ANKRD55: variants seen among roughly 807,000 people sequenced by gnomAD.
ANKRD55 encodes the protein ankyrin repeat domain-containing protein 55.
A neutral mutation model predicts 60.6 loss-of-function variants in ANKRD55; 41 were observed. The ratio of observed to expected loss-of-function variants is 0.68; its 90% CI spans 0.53 to 0.88. ANKRD55 has a LOEUF of 0.88. Ranked by LOEUF, ANKRD55 falls within the 40% of genes least tolerant of loss-of-function variation. ANKRD55 has a pLI of 0.00. For synonymous variants in ANKRD55, 264 were observed against 290.3 expected, an observed-to-expected ratio of 0.91 and a Z score of 0.92; for missense variants, 732 against 767.6, an observed-to-expected ratio of 0.95 and a Z score of 0.55.
At chr5:56,183,437 A>G (rs1758893988) in intron 3 of ANKRD55, 75 bp downstream of exon 3, 10 of 1,572,746 alleles carry the variant, frequency 6.4e-6, no homozygotes, top group Non-Finnish European at 8.7e-6. Flanking sequence ...ATTTATTAAC[A>G]TTGCTCATGT....
At chr5:56,116,447 C>G (rs1447857723) in intron 9 of ANKRD55, among the ~76,000 whole-genome samples, 168 bp downstream of exon 9, 3 of 152,076 alleles carry the variant, frequency 2.0e-5, no homozygotes, top group Non-Finnish European at 2.9e-5. Context: ...TAATGGCAAA[C>G]GTTAATTATA....
intron 7 of ANKRD55, among the ~76,000 whole-genome samples, chr5:56,139,687 G>C (rs1246915789): frequency 1.3e-5 from 2 of 152,178 alleles, no homozygotes; most frequent in African/African-American, 4.8e-5. Flanking sequence ...CAGGGGTGGG[G>C]AACCAAGGAC....
chr5:56,100,180 C>G lies in ANKRD55; in HGVS notation c.*3G>C, dbSNP rs376847662. Reference sequence around the variant, plus strand: ...CTACATTTCTGCAGCGAGTGGCCCACAGTTAATTTTCATCACTGGTGGGGT... The same window carrying G: ...CTACATTTCTGCAGCGAGTGGCCCAGAGTTAATTTTCATCACTGGTGGGGT... On this transcript the variant is annotated 3_prime_UTR_variant, in exon 12 of 12. Transcript: ENST00000341048. 1 of 1,614,020 alleles carries G rather than the reference C, an allele frequency of 6.2e-7. No homozygotes were observed. The highest frequency in any genetic ancestry group is 1.7e-5 in the Admixed American group (1 of 59,996).
chr5:56,178,918 T>G (rs1758798219), intron 3 of ANKRD55, among the ~76,000 whole-genome samples: 1 of 122,294 alleles, frequency 8.2e-6, no homozygotes, highest in African/African-American at 4.4e-5. Context: ...GTCAAGGATT[T>G]GGGAAACTCT....
chr5:56,221,898 C>T (rs1249555256), intron 2 of ANKRD55, among the ~76,000 whole-genome samples: 1 of 152,226 alleles, frequency 6.6e-6, no homozygotes, highest in Non-Finnish European at 1.5e-5. Context: ...CTGCCTGCCT[C>T]TGTAGACTCC....
intron 2 of ANKRD55, chr5:56,193,071 T>C: frequency 2.5e-6 from 2 of 809,676 alleles, no homozygotes; most frequent in Non-Finnish European, 3.9e-6. Flanking sequence ...ACATATTTCA[T>C]ACTAGATAAT....
At chr5:56,125,067 G>C (rs992658629) in intron 8 of ANKRD55, among the ~76,000 whole-genome samples, 1 of 152,068 alleles carries the variant, frequency 6.6e-6, no homozygotes, top group East Asian at 1.9e-4. Flanking sequence ...TTGCTAAGTG[G>C]GTGGTATTGC....
chr5:56,207,569 C>T (rs1279638362), intron 2 of ANKRD55, among the ~76,000 whole-genome samples: 1 of 152,212 alleles, frequency 6.6e-6, no homozygotes, highest in Non-Finnish European at 1.5e-5. Flanking sequence ...CAGACTATTA[C>T]TCCTAGGCTG....
At chr5:56,164,493 T>C (rs1223286048) in intron 5 of ANKRD55, among the ~76,000 whole-genome samples, 3 of 151,850 alleles carry the variant, frequency 2.0e-5, no homozygotes, top group Non-Finnish European at 2.9e-5. Flanking sequence ...TCAAGAGTGA[T>C]GAAAAGAGGC....
rs550730576 is a variant in ANKRD55, at chr5:56,133,448, A to G, written c.613-6342T>C. ...AGGAAGACTCCGTCTCAAAAAAAAAAAAAAACAATTAATTAATTGGATACA... is the reference window on the plus strand; with the variant it reads ...AGGAAGACTCCGTCTCAAAAAAAAAGAAAAACAATTAATTAATTGGATACA... On this transcript the variant is annotated intron_variant, in intron 7 of 11. Transcript: ENST00000341048. 5.3e-5 allele frequency among the ~76,000 whole-genome samples: 6 copies of G among 113,552 alleles called. 1 individual carries two copies. The East Asian group carries it at 1.5e-3, about 28-fold the overall frequency. The allele number at this position is 113,552 out of a possible 152,430, so 74.5% of individuals were successfully genotyped here. A position where few individuals can be genotyped will look rare whatever the true frequency, so the allele number is the denominator to read the frequency against.
chr5:56,126,979 A>G lies in ANKRD55; in HGVS notation c.740T>C (p.Ile247Thr), dbSNP rs575822491. Residue 247 changes from isoleucine (I) to threonine (T), a missense_variant, in exon 8 of 12, where the codon ATT becomes ACT. Ile to Thr is a moderately conservative substitution (Grantham distance 89). This residue lies in a region of ANKRD55 where 597 missense variants were observed against 607.5 expected (regional missense o/e 0.98). Transcript: ENST00000341048. ...IAAAAGFSDI[I>T]HELARVPECN... ...CTCAGGGACTCTTGCCAGCTCATGA[A>G]TAATATCGCTGAAGCCCGCTGCCGC... The G allele has an allele frequency of 2.2e-5, 35 of 1,613,768 alleles. No individual in the cohort carries two copies. The highest frequency in any genetic ancestry group is 2.9e-5 in the Non-Finnish European group (34 of 1,179,798).
chr5:56,158,216 C>T (rs1758244714), intron 6 of ANKRD55, among the ~76,000 whole-genome samples: 1 of 152,008 alleles, frequency 6.6e-6, no homozygotes, highest in African/African-American at 2.4e-5. Context: ...GGCATCTGCC[C>T]CAGAAGAAAG....
chr5:56,189,175 A>C (rs987108100), intron 2 of ANKRD55, among the ~76,000 whole-genome samples: 4 of 151,992 alleles, frequency 2.6e-5, no homozygotes, highest in Non-Finnish European at 4.4e-5. Context: ...CAGATAGTTA[A>C]AGAGTTTTTT....
intron 7 of ANKRD55, among the ~76,000 whole-genome samples, chr5:56,131,219 A>C (rs1270907444): frequency 2.6e-5 from 4 of 152,156 alleles, no homozygotes; most frequent in Admixed American, 2.6e-4. Context: ...TTCCAATTAC[A>C]GAAAACCAAA....
intron 4 of ANKRD55, among the ~76,000 whole-genome samples, chr5:56,173,670 G>A (rs996682802): frequency 1.4e-5 from 2 of 140,212 alleles, no homozygotes; most frequent in Non-Finnish European, 3.1e-5. Flanking sequence ...TCAGCCTCCC[G>A]AGTACCTGGA....
intron 6 of ANKRD55, among the ~76,000 whole-genome samples, chr5:56,149,508 T>C (rs1187906308): frequency 1.3e-5 from 2 of 152,206 alleles, no homozygotes; most frequent in African/African-American, 2.4e-5. Flanking sequence ...GCCTTCAGAA[T>C]AGAAGCCTAA....
chr5:56,173,566 C>CTA (rs1758660236), intron 4 of ANKRD55, among the ~76,000 whole-genome samples: 3 of 113,978 alleles, frequency 2.6e-5, no homozygotes, highest in East Asian at 2.5e-4. Context: ...CTCTCTCTCT[C>CTA]TCTCTCTCTC....
chr5:56,165,739 G>C (rs1192559748), intron 5 of ANKRD55, among the ~76,000 whole-genome samples: 1 of 152,080 alleles, frequency 6.6e-6, no homozygotes, highest in Non-Finnish European at 1.5e-5. Context: ...AGACCAGCCT[G>C]ACCAACATGG....
At chr5:56,114,146 T>A (rs1756820864) in intron 9 of ANKRD55, 1 of 153,728 alleles carries the variant, frequency 6.5e-6, no homozygotes, top group African/African-American at 2.4e-5. Flanking sequence ...CTGACCAACA[T>A]GGAGAAAACC....
Sources: gnomAD v4.1 joint callset for allele counts (sites outside exome capture counted in the v4.1 genomes callset) on GRCh38, gnomAD v4.1.1 for gene constraint, gnomAD v4.1.1 regional missense constraint, MANE v1.5 for transcripts, NCBI Gene and HGNC (gene_info 2026-07-23, HGNC 2026-07-21) for gene names.